Variants in GUCY2F observed in about 807,000 individuals in gnomAD.
GUCY2F encodes the protein guanylate cyclase 2F, retinal, also known as retinal guanylyl cyclase 2.
In GUCY2F, 61 loss-of-function variants were observed where a neutral mutation model predicts 73.1. That is an observed-to-expected ratio of 0.83 (90% CI 0.68 to 1.03). The LOEUF is 1.03. Ranked by LOEUF, GUCY2F falls within the 50% of genes least tolerant of loss-of-function variation. The pLI, the probability that GUCY2F is intolerant of heterozygous loss-of-function variation, is 0.00. For missense variants in GUCY2F, 912 were observed against 854.3 expected (o/e 1.07, Z -0.84); for synonymous variants, 331 against 307.8 (o/e 1.08, Z -0.79).
chrX:109,381,083 T>C (rs1930296438), intron 17 of GUCY2F, among the ~76,000 whole-genome samples: 1 of 111,995 alleles, frequency 8.9e-6, no homozygotes, highest in Non-Finnish European at 1.9e-5. Context: ...AATGACCTAT[T>C]GGAAGGAAAA....
chrX:109,459,480 C>T lies in GUCY2F; in HGVS notation c.1033-5621G>A, dbSNP rs186608314. ...ACCCACCTCTACCAGGAGGTGCAGA[C>T]GTCTATAGGAAACAGATTAAATTGA... On this transcript the variant is annotated intron_variant, in intron 3 of 19. Transcript: ENST00000218006. Among the ~76,000 whole-genome samples the T allele has an allele frequency of 1.6e-4, 18 of 111,235 alleles. No homozygotes were observed. In the East Asian group the frequency reaches 3.1e-3, roughly 19 times the overall value.
rs1388233225 is a variant in GUCY2F at position 109,481,080 on chromosome X, AAGGAAGGAAGGAAGGAAGGAAGGAAGGG to A, written c.-86+758_-86+785del. ...GAAGGAAGGAAGGAAGGAAGGAAGG[AAGGAAGGAAGGAAGGAAGGAAGGAAGGG>A]AGGGAGGGAGGGAAAGAAAGGGGCA... On this transcript the variant is annotated intron_variant, in intron 1 of 19. Coordinates refer to ENST00000218006, the MANE Select transcript of GUCY2F (RefSeq NM_001522.3). 2.5e-4 allele frequency among the ~76,000 whole-genome samples: 17 copies of A among 66,793 alleles called. 3 individuals carry two copies. Among genetic ancestry groups the A allele is most frequent in the South Asian group, 2.7e-3 (2 of 750 alleles). The allele number at this position is 66,793 out of a possible 115,157, so 58.0% of individuals were successfully genotyped here.
chrX:109,445,743 T>A (rs762956763), intron 6 of GUCY2F, among the ~76,000 whole-genome samples: 4 of 111,721 alleles, frequency 3.6e-5, no homozygotes, highest in African/African-American at 1.3e-4. Context: ...TCACCACTCC[T>A]ATTCAACATA....
At chrX:109,414,285 G>T (rs1473084608) in intron 8 of GUCY2F, among the ~76,000 whole-genome samples, 1 of 111,443 alleles carries the variant, frequency 9.0e-6, no homozygotes, top group Non-Finnish European at 1.9e-5. Context: ...ACAAGAAAAT[G>T]TTGTACCTCC....
chrX:109,438,759 G>C (rs1209548262), intron 7 of GUCY2F, among the ~76,000 whole-genome samples: 1 of 112,764 alleles, frequency 8.9e-6, no homozygotes, highest in Non-Finnish European at 1.9e-5. Context: ...CATTCTGGTG[G>C]CTTTACAGGT....
rs1260965800 is a variant in GUCY2F at position 109,475,320 on chromosome X, G to A, written c.617C>T (p.Ala206Val). 4 of 1,211,264 alleles carry A rather than the reference G, an allele frequency of 3.3e-6. No homozygotes were observed. The highest frequency in any genetic ancestry group is 2.2e-5 in the Admixed American group (1 of 46,065). The change falls in exon 2 of 20, where the codon GCA becomes GTA. Residue 206 changes from alanine to valine, a missense_variant. By Grantham distance (64) the Ala-to-Val change is moderately conservative. Transcript: ENST00000218006. ...TAAGCCGTGGCTCCGAAGAGCACTTGCGACTCGATTGGCTGTATGCACCCA... is the reference window on the plus strand; with the variant it reads ...TAAGCCGTGGCTCCGAAGAGCACTTACGACTCGATTGGCTGTATGCACCCA... ...DIWVHTANRV[A>V]SALRSHGLPV...
intron 6 of GUCY2F, among the ~76,000 whole-genome samples, chrX:109,443,960 T>C (rs1931936484): frequency 8.9e-6 from 1 of 112,353 alleles, no homozygotes; most frequent in Non-Finnish European, 1.9e-5. Flanking sequence ...TTGGGTTATA[T>C]ATTAGGATTG....
intron 6 of GUCY2F, among the ~76,000 whole-genome samples, chrX:109,444,709 G>C (rs925536988): frequency 2.0e-4 from 22 of 111,660 alleles, no homozygotes; most frequent in Admixed American, 1.9e-3. Flanking sequence ...AGACAATATA[G>C]AGTGGTGGGA....
intron 6 of GUCY2F, among the ~76,000 whole-genome samples, chrX:109,446,319 G>C (rs1243154561): frequency 9.0e-6 from 1 of 111,636 alleles, no homozygotes; most frequent in Non-Finnish European, 1.9e-5. Flanking sequence ...ATTGCCAAGA[G>C]AATGCTAAGC....
At position 109,395,345 on chromosome X, in the gene GUCY2F, T is replaced by C; in HGVS notation, c.2420A>G (p.Asn807Ser). The C allele has an allele frequency of 8.3e-7, 1 of 1,206,534 alleles. No individual in the cohort carries two copies. Among genetic ancestry groups the C allele is most frequent in the African/African-American group, 1.7e-5 (1 of 57,691 alleles). ...GATAAGATTCAGAGTCCTTACCTGG[T>C]TAAATATTTCATCAAAAGTTGGTCG... is the stretch of plus-strand genomic sequence containing the variant. Reference protein sequence around the residue: ...EQRPTFDEIFNQFKTFNKGKK... With the variant: ...EQRPTFDEIFSQFKTFNKGKK... The change falls in exon 12 of 20, where the codon AAC becomes AGC. Residue 807 changes from asparagine (N) to serine (S), a missense_variant. Asn to Ser is a conservative substitution (Grantham distance 46, BLOSUM62 1). Coordinates refer to ENST00000218006, the MANE Select transcript of GUCY2F (RefSeq NM_001522.3).
chrX:109,427,784 C>T (rs1479387164), intron 8 of GUCY2F, among the ~76,000 whole-genome samples: 1 of 112,072 alleles, frequency 8.9e-6, no homozygotes, highest in Non-Finnish European at 1.9e-5. Flanking sequence ...CCACCCAAGT[C>T]AGTGAAGGAA....
intron 16 of GUCY2F, among the ~76,000 whole-genome samples, chrX:109,384,165 A>G (rs1930382722): frequency 8.9e-6 from 1 of 112,056 alleles, no homozygotes; most frequent in Non-Finnish European, 1.9e-5. Flanking sequence ...GTTTCTACAC[A>G]TGAGTGATGG....
At chrX:109,401,048 T>C (rs1365056608) in intron 10 of GUCY2F, among the ~76,000 whole-genome samples, 1 of 112,077 alleles carries the variant, frequency 8.9e-6, no homozygotes, top group African/African-American at 3.2e-5. Flanking sequence ...CATTACAAAA[T>C]AGTATTTCCA....
At chrX:109,427,307 A>G (rs1931511553) in intron 8 of GUCY2F, among the ~76,000 whole-genome samples, 1 of 112,537 alleles carries the variant, frequency 8.9e-6, no homozygotes, top group Non-Finnish European at 1.9e-5. Context: ...TCCTTTAAAG[A>G]ACTCCAGGAT....
chrX:109,453,460 C>A lies in GUCY2F; in HGVS notation c.1387+45G>T, dbSNP rs762951635. On this transcript the variant is annotated intron_variant, in intron 4 of 19. Transcript: ENST00000218006. ...TTCTCCTAAAGAGGTTCCCTTGTAA[C>A]CCAAGCTGAGCCAAATTGACTACTA... 6.9e-6 allele frequency: 6 copies of A among 866,442 alleles called. No individual in the cohort carries two copies. The South Asian group carries it at 1.4e-4, about 20-fold the overall frequency. The allele number at this position is 866,442 out of a possible 1,213,427, so 71.4% of individuals were successfully genotyped here.
chrX:109,440,795 C>T (rs960329787), intron 7 of GUCY2F, among the ~76,000 whole-genome samples: 8 of 112,262 alleles, frequency 7.1e-5, no homozygotes, highest in Non-Finnish European at 1.5e-4. Context: ...AAGCTTGAAA[C>T]ACAGAAACCT....
intron 8 of GUCY2F, among the ~76,000 whole-genome samples, chrX:109,409,693 A>G (rs901673258): frequency 3.6e-5 from 4 of 111,231 alleles, no homozygotes; most frequent in African/African-American, 1.3e-4. Context: ...GGTCTTTCCC[A>G]TGCTGTTCTC....
Position 109,399,555 on chromosome X carries a change from A to G in GUCY2F, c.2126-857T>C, listed in dbSNP as rs190871999. Reference sequence around the variant, plus strand: ...GGGGCACTGTAAGCAATGTATAAAGAAATATAATTTAACAATAGAAATACA... The same window carrying G: ...GGGGCACTGTAAGCAATGTATAAAGGAATATAATTTAACAATAGAAATACA... On this transcript the variant is annotated intron_variant, in intron 10 of 19. Coordinates refer to ENST00000218006, the MANE Select transcript of GUCY2F (RefSeq NM_001522.3). 3.3e-3 allele frequency among the ~76,000 whole-genome samples: 371 copies of G among 112,277 alleles called. 1 individual carries two copies. Among genetic ancestry groups the G allele is most frequent in the African/African-American group, 0.011 (346 of 30,881 alleles).
rs143154461 is a variant in GUCY2F, at chrX:109,406,450, G to A, written c.1969-1966C>T. Among the ~76,000 whole-genome samples, 7 of 112,039 alleles carry A rather than the reference G, an allele frequency of 6.2e-5. No individual in the cohort carries two copies. The East Asian group carries it at 8.4e-4, about 13-fold the overall frequency. On this transcript the variant is annotated intron_variant, in intron 9 of 19. Transcript: ENST00000218006. ...GAGAAATTGGATGAAAGAAAGGATC[G>A]CTTAAGGCAGAAGAGTGCTTAATGG...
Sources: allele counts gnomAD v4.1 joint callset (sites outside exome capture counted in the v4.1 genomes callset), GRCh38; gene constraint gnomAD v4.1.1; transcripts MANE v1.5; gene names NCBI Gene and HGNC (gene_info 2026-07-23, HGNC 2026-07-21).